CSMD1: variants seen among roughly 807,000 people sequenced by gnomAD.
CSMD1 encodes the protein CUB and Sushi multiple domains 1.
CSMD1 carries 213 observed loss-of-function variants against 417.5 expected under a neutral mutation model. The ratio of observed to expected loss-of-function variants is 0.51; its 90% CI spans 0.46 to 0.57. The LOEUF (loss-of-function observed/expected upper bound fraction) is 0.57, where lower values mean the gene tolerates loss of function less well. CSMD1 is among the 20% of genes least tolerant of loss of function. CSMD1 has a pLI of 0.00. For synonymous variants in CSMD1, 2,862 were observed against 1,736.8 expected (o/e 1.65, Z -16.11); for missense variants, 6,923 against 4,529.7 (o/e 1.53, Z -15.17).
At chr8:3,338,788 C>A (rs1807445061) in intron 23 of CSMD1, among the ~76,000 whole-genome samples, 1 of 151,304 alleles carries the variant, frequency 6.6e-6, no homozygotes, top group Admixed American at 6.6e-5. Context: ...TCATGCAGAT[C>A]CAGCTGTTCA....
At chr8:4,446,498 G>A (rs1038880343) in intron 2 of CSMD1, among the ~76,000 whole-genome samples, 2 of 152,168 alleles carry the variant, frequency 1.3e-5, no homozygotes, top group Non-Finnish European at 1.5e-5. Context: ...AGGGATCTGT[G>A]ATCAGGCCAC....
intron 3 of CSMD1, among the ~76,000 whole-genome samples, chr8:4,235,463 T>C (rs527497785): frequency 6.6e-6 from 1 of 152,200 alleles, no homozygotes; most frequent in African/African-American, 2.4e-5. Context: ...ACCTGCTGAG[T>C]GTGATTTGGA....
chr8:2,979,276 C>T (rs990829542), intron 54 of CSMD1, among the ~76,000 whole-genome samples: 3 of 152,162 alleles, frequency 2.0e-5, no homozygotes, highest in Admixed American at 1.3e-4. Context: ...CTATGTAGAA[C>T]GCAACTAAAA....
rs556695624 is a variant in CSMD1, at chr8:3,471,873, C to T, written c.1449-3049G>A. On this transcript the variant is annotated intron_variant, in intron 11 of 69. Coordinates refer to ENST00000635120, the MANE Select transcript of CSMD1 (RefSeq NM_033225.6). ...AGTTAAAGAAGAATGTGGGCATAGC[C>T]GTTAGTTTTTCCCTACATGTTAATA... Among the ~76,000 whole-genome samples the T allele has an allele frequency of 7.2e-5, 11 of 152,170 alleles. No homozygotes were observed. The South Asian group carries it at 1.4e-3, about 20-fold the overall frequency.
intron 7 of CSMD1, among the ~76,000 whole-genome samples, chr8:3,706,906 T>G (rs555135988): frequency 1.3e-5 from 2 of 152,346 alleles, no homozygotes; most frequent in African/African-American, 4.8e-5. Context: ...CCCTTCAGTT[T>G]TCCCATCCTT....
At chr8:4,429,642 AG>A (rs2128945984) in intron 2 of CSMD1, among the ~76,000 whole-genome samples, 1 of 152,248 alleles carries the variant, frequency 6.6e-6, no homozygotes, top group Non-Finnish European at 1.5e-5. Flanking sequence ...GAATGCACAG[AG>A]GAGGGCCCTT....
At chr8:4,830,633 G>GT (rs1362743730) in intron 1 of CSMD1, among the ~76,000 whole-genome samples, 1 of 152,206 alleles carries the variant, frequency 6.6e-6, no homozygotes, top group Non-Finnish European at 1.5e-5. Flanking sequence ...GATCGTGGTA[G>GT]TTTTTTATTG....
intron 3 of CSMD1, among the ~76,000 whole-genome samples, chr8:4,150,240 T>G (rs967148303): frequency 1.3e-5 from 2 of 152,200 alleles, no homozygotes. Context: ...TTTTCCATCA[T>G]GCACCTCCCT....
At chr8:4,633,944 G>T (rs2130850439) in intron 2 of CSMD1, among the ~76,000 whole-genome samples, 1 of 151,234 alleles carries the variant, frequency 6.6e-6, no homozygotes, top group South Asian at 2.1e-4. Context: ...AAGAGGAAAT[G>T]CAGAGTCAAT....
At chr8:4,013,258 A>G (rs937713831) in intron 4 of CSMD1, among the ~76,000 whole-genome samples, 1 of 152,042 alleles carries the variant, frequency 6.6e-6, no homozygotes, top group Non-Finnish European at 1.5e-5. Flanking sequence ...TCTCTCCTAC[A>G]ACCCTCCAAT....
intron 3 of CSMD1, among the ~76,000 whole-genome samples, chr8:4,303,233 G>C (rs1053400807): frequency 2.0e-5 from 3 of 151,962 alleles, no homozygotes; most frequent in Admixed American, 2.0e-4. Context: ...ATCTATTTCA[G>C]ATAAGTATTC....
chr8:4,373,789 T>C (rs1802546079), intron 3 of CSMD1, among the ~76,000 whole-genome samples: 1 of 152,214 alleles, frequency 6.6e-6, no homozygotes, highest in African/African-American at 2.4e-5. Flanking sequence ...TTCTCTTTGA[T>C]AAATTTGTTA....
chr8:3,950,938 C>A (rs538892728), intron 5 of CSMD1, among the ~76,000 whole-genome samples: 7 of 152,030 alleles, frequency 4.6e-5, no homozygotes, highest in Non-Finnish European at 8.8e-5. Context: ...AAGCCCTGAA[C>A]AGACAAGAAG....
chr8:3,713,077 T>C (rs977516959), intron 6 of CSMD1, among the ~76,000 whole-genome samples: 1 of 152,128 alleles, frequency 6.6e-6, no homozygotes, highest in Non-Finnish European at 1.5e-5. Flanking sequence ...GAAATAAATA[T>C]GACGAATCTC....
intron 3 of CSMD1, among the ~76,000 whole-genome samples, chr8:4,168,315 G>C (rs377106081): frequency 6.6e-6 from 1 of 151,836 alleles, no homozygotes; most frequent in Non-Finnish European, 1.5e-5. Flanking sequence ...GGGCTCCCTT[G>C]AGACCAAAAG....
intron 10 of CSMD1, among the ~76,000 whole-genome samples, chr8:3,536,932 G>C (rs567794689): frequency 6.6e-6 from 1 of 152,330 alleles, no homozygotes; most frequent in Non-Finnish European, 1.5e-5. Flanking sequence ...CTAGTCGTCA[G>C]TAGAGTCAGT....
chr8:3,388,068 A>G (rs945198882), intron 17 of CSMD1, among the ~76,000 whole-genome samples: 1 of 152,234 alleles, frequency 6.6e-6, no homozygotes, highest in African/African-American at 2.4e-5. Flanking sequence ...ATATAGACAT[A>G]TGTACTTCTA....
intron 1 of CSMD1, among the ~76,000 whole-genome samples, chr8:4,881,677 G>A (rs1186579338): frequency 6.6e-6 from 1 of 151,732 alleles, no homozygotes; most frequent in East Asian, 1.9e-4. Flanking sequence ...AGTCTTTAAG[G>A]TATTCTGCAA....
chr8:4,441,221 C>G (rs1585079707), intron 2 of CSMD1, among the ~76,000 whole-genome samples: 1 of 125,216 alleles, frequency 8.0e-6, no homozygotes, highest in African/African-American at 3.0e-5. Context: ...ACGTCAGCCT[C>G]TTGAGTAGCT....
Sources: gnomAD v4.1 joint callset for allele counts (sites outside exome capture counted in the v4.1 genomes callset) on GRCh38, gnomAD v4.1.1 for gene constraint, MANE v1.5 for transcripts, NCBI Gene and HGNC (gene_info 2026-07-23, HGNC 2026-07-21) for gene names.